The following ZNF350 variants were observed in gnomAD, a reference collection of about 807,000 sequenced individuals.
ZNF350 encodes the protein KRAB zinc finger protein ZFQR.
Under a neutral mutation model 13.1 loss-of-function variants are expected in ZNF350, and 5 were observed. The ratio of observed to expected loss-of-function variants is 0.38; its 90% CI spans 0.20 to 0.80. The LOEUF is 0.80. Ranked by LOEUF, ZNF350 falls within the 30% of genes least tolerant of loss-of-function variation. ZNF350 has a pLI of 0.43. For missense variants in ZNF350, 534 were observed against 644.2 expected, an observed-to-expected ratio of 0.83 and a Z score of 1.85; for synonymous variants, 199 against 224.2, an observed-to-expected ratio of 0.89 and a Z score of 1.00.
At position 51,964,948 on chromosome 19, in the gene ZNF350, CCT is replaced by C. The variant is rs2085521199; in HGVS notation, c.1503_1504del (p.Gly502IlefsTer62). 3.1e-6 allele frequency: 5 copies of C among 1,614,160 alleles called. No homozygotes were observed. Among genetic ancestry groups the C allele is most frequent in the East Asian group, 2.2e-5 (1 of 44,870 alleles). On this transcript the variant is annotated frameshift_variant, in exon 5 of 5. Transcript: ENST00000243644. LOFTEE classifies it low-confidence loss of function (END_TRUNC). ...CACAAGGTTTCTGTCCTGTGCAAATCCTCTGTTATCTCCTGAGGCTGCACATC... is the reference window on the plus strand; with the variant it reads ...CACAAGGTTTCTGTCCTGTGCAAATCCTGTTATCTCCTGAGGCTGCACATC...
intron 1 of ZNF350, among the ~76,000 whole-genome samples, chr19:51,984,764 C>A (rs1490810507): frequency 6.6e-6 from 1 of 152,070 alleles, no homozygotes; most frequent in Non-Finnish European, 1.5e-5. Context: ...AAACAAAAAG[C>A]AAATTAGCAT....
intron 4 of ZNF350, among the ~76,000 whole-genome samples, chr19:51,966,561 T>A (rs904529614): frequency 1.3e-5 from 2 of 151,760 alleles, no homozygotes; most frequent in Non-Finnish European, 2.9e-5. Context: ...TGTTTTGTTT[T>A]GTTTTTGGGA....
In ZNF350 at chr19:51,965,030, T is replaced by C. The variant is rs1270901210; in HGVS notation, c.1423A>G (p.Ile475Val). 2.5e-6 allele frequency: 4 copies of C among 1,614,096 alleles called. No homozygotes were observed. Among genetic ancestry groups the C allele is most frequent in the Non-Finnish European group, 3.4e-6 (4 of 1,180,044 alleles). The change falls in exon 5 of 5, where the codon ATC becomes GTC. Residue 475 changes from isoleucine (I) to valine (V), a missense_variant. By Grantham distance (29) the Ile-to-Val change is conservative. Coordinates refer to ENST00000243644, the MANE Select transcript of ZNF350 (RefSeq NM_021632.4). ...TTCCTGTTTGCGAGGAGGCCGCTGA[T>C]GTTTAATGATGTCTGAGGGGCCACA... ...PSVAPQTSLNISGLLANRNVV... is the reference protein window; with the variant it reads ...PSVAPQTSLNVSGLLANRNVV...
intron 1 of ZNF350, among the ~76,000 whole-genome samples, chr19:51,980,432 C>G (rs2086004950): frequency 6.6e-6 from 1 of 152,192 alleles, no homozygotes; most frequent in South Asian, 2.1e-4. Flanking sequence ...TCTTCTGTAA[C>G]TCTGCATAAT....
At chr19:51,979,405 C>A (rs2085978687) in intron 1 of ZNF350, among the ~76,000 whole-genome samples, 1 of 152,118 alleles carries the variant, frequency 6.6e-6, no homozygotes, top group Non-Finnish European at 1.5e-5. Context: ...ACCCCTAACT[C>A]CCCGTGACAT....
At chr19:51,975,084 C>T (rs762357895) in intron 1 of ZNF350, among the ~76,000 whole-genome samples, 21 of 152,292 alleles carry the variant, frequency 1.4e-4, no homozygotes, top group Admixed American at 8.5e-4. Flanking sequence ...ATAAAGTTGA[C>T]GTGCTCTAAG....
intron 1 of ZNF350, among the ~76,000 whole-genome samples, chr19:51,977,176 TC>T: frequency 6.6e-6 from 1 of 152,256 alleles, no homozygotes; most frequent in East Asian, 1.9e-4. Flanking sequence ...TTTTCCTATT[TC>T]CATCAGGCCT....
intron 2 of ZNF350, among the ~76,000 whole-genome samples, chr19:51,971,590 T>C (rs1228676879): frequency 6.6e-6 from 1 of 152,222 alleles, no homozygotes; most frequent in African/African-American, 2.4e-5. Context: ...GCTGAGGTTA[T>C]CTACTGCAAC....
intron 1 of ZNF350, among the ~76,000 whole-genome samples, chr19:51,975,379 A>G (rs1427973248): frequency 6.8e-6 from 1 of 146,964 alleles, no homozygotes; most frequent in Non-Finnish European, 1.5e-5. Context: ...CAGTGAGACA[A>G]GCCTGTGCCA....
At chr19:51,984,292 A>G (rs1272952463) in intron 1 of ZNF350, 3 of 152,148 alleles carry the variant, frequency 2.0e-5, no homozygotes, top group Non-Finnish European at 4.4e-5. Flanking sequence ...GTCAATTTCA[A>G]TGGTAGAAAC....
chr19:51,973,838 A>C (rs2085812068), intron 2 of ZNF350: 1 of 153,136 alleles, frequency 6.5e-6, no homozygotes, highest in African/African-American at 2.4e-5. Context: ...ATTCCGTAAC[A>C]GTATATAAGG....
At chr19:51,980,137 C>G (rs2085997884) in intron 1 of ZNF350, among the ~76,000 whole-genome samples, 1 of 152,326 alleles carries the variant, frequency 6.6e-6, no homozygotes, top group South Asian at 2.1e-4. Flanking sequence ...TAAGAAGAAC[C>G]AGCTTCAGGT....
At position 51,965,601 on chromosome 19, in the gene ZNF350, ATG is replaced by A; in HGVS notation, c.850_851del (p.His284TyrfsTer10). 1 of 1,614,092 alleles carries A rather than the reference ATG, an allele frequency of 6.2e-7. No homozygotes were observed. The highest frequency in any genetic ancestry group is 8.5e-7 in the Non-Finnish European group (1 of 1,180,012). The part of the protein sequence containing the change: ...KSRLNIHQKT[H>X]TGEKPYICSE... ...TGCATATATAGGGTTTCTCTCCGGTATGTGTTTTCTGATGTATGTTGAGCCGT... is the reference window on the plus strand; with the variant it reads ...TGCATATATAGGGTTTCTCTCCGGTATGTTTTCTGATGTATGTTGAGCCGT... On this transcript the variant is annotated frameshift_variant, in exon 5 of 5. Coordinates refer to ENST00000243644, the MANE Select transcript of ZNF350 (RefSeq NM_021632.4). LOFTEE classifies it low-confidence loss of function (END_TRUNC).
rs2085516320 is a variant in ZNF350, at chr19:51,964,809, CAAA to C, written c.*42_*44del. The C allele has an allele frequency of 1.3e-6, 2 of 1,564,750 alleles. No homozygotes were observed. Among genetic ancestry groups the C allele is most frequent in the Admixed American group, 3.6e-5 (2 of 54,872 alleles). On this transcript the variant is annotated 3_prime_UTR_variant, in exon 5 of 5. Transcript: ENST00000243644. ...TGCTTTTCGGCCACATAATGAACTA[CAAA>C]TTTTTGCTCAACCCTTTTCCACATA...
At chr19:51,980,127 T>G (rs2085997567) in intron 1 of ZNF350, among the ~76,000 whole-genome samples, 1 of 152,252 alleles carries the variant, frequency 6.6e-6, no homozygotes, top group Non-Finnish European at 1.5e-5. Flanking sequence ...TTTTGGCAGC[T>G]AAGAAGAACC....
chr19:51,980,035 A>C (rs554661116), intron 1 of ZNF350, among the ~76,000 whole-genome samples: 8 of 152,374 alleles, frequency 5.3e-5, no homozygotes, highest in Admixed American at 5.2e-4. Context: ...TAATAGCAAT[A>C]GTAAGCAACA....
intron 1 of ZNF350, among the ~76,000 whole-genome samples, chr19:51,977,019 G>T (rs1427220035): frequency 1.3e-5 from 2 of 152,164 alleles, no homozygotes. Context: ...ATAAAAAACA[G>T]GAGAGGGAGG....
chr19:51,968,431 C>A, intron 4 of ZNF350, 147 bp downstream of exon 4: 1 of 684,942 alleles, frequency 1.5e-6, no homozygotes, highest in South Asian at 1.7e-5. Flanking sequence ...ACTCTAAATT[C>A]CTACAAAGAA....
chr19:51,965,397 T>C lies in ZNF350; in HGVS notation c.1056A>G (p.Gly352=), dbSNP rs1273154851. Reference sequence around the variant, plus strand: ...GACCTGATTTCTGAGAACAGGATTTTCCACATTCACTGCACACAAAGGGCG... The same window carrying C: ...GACCTGATTTCTGAGAACAGGATTTCCCACATTCACTGCACACAAAGGGCG... ...GKTPFVCSEC[G]KSCSQKSGLI... is the part of the protein sequence containing the mutation. Residue 352 remains glycine, a synonymous_variant, in exon 5 of 5, where the codon GGA becomes GGG. Coordinates refer to ENST00000243644, the MANE Select transcript of ZNF350 (RefSeq NM_021632.4). The C allele has an allele frequency of 6.2e-7, 1 of 1,614,100 alleles. No individual in the cohort carries two copies.
Sources: allele counts gnomAD v4.1 joint callset (sites outside exome capture counted in the v4.1 genomes callset), GRCh38; gene constraint gnomAD v4.1.1; transcripts MANE v1.5; gene names NCBI Gene and HGNC (gene_info 2026-07-23, HGNC 2026-07-21).